ZDHHC20: variants seen among roughly 807,000 people sequenced by gnomAD.
ZDHHC20 encodes zDHHC palmitoyltransferase 20.
Under a neutral mutation model 57.8 loss-of-function variants are expected in ZDHHC20, and 43 were observed. That is an observed-to-expected ratio of 0.74 (90% CI 0.58 to 0.96). ZDHHC20 has a LOEUF of 0.96. Among genes scored for constraint, ZDHHC20 ranks in the 40% least tolerant of loss-of-function variants. The pLI, the probability that ZDHHC20 is intolerant of heterozygous loss-of-function variation, is 0.00. For missense variants in ZDHHC20, 391 were observed against 441.1 expected, an observed-to-expected ratio of 0.89 and a Z score of 1.02; for synonymous variants, 157 against 153.0, an observed-to-expected ratio of 1.03 and a Z score of -0.19.
At chr13:21,410,950 G>T (rs1189889058) in intron 4 of ZDHHC20, among the ~76,000 whole-genome samples, 1 of 152,162 alleles carries the variant, frequency 6.6e-6, no homozygotes, top group African/African-American at 2.4e-5. Flanking sequence ...TGCCCAAATG[G>T]CCACCCACTT....
At chr13:21,428,344 C>T (rs540067657) in intron 1 of ZDHHC20, among the ~76,000 whole-genome samples, 1 of 152,016 alleles carries the variant, frequency 6.6e-6, no homozygotes, top group Admixed American at 6.5e-5. Context: ...CCTCAACCTC[C>T]CGAGTAGCTG....
chr13:21,455,152 C>T (rs1273837680), intron 1 of ZDHHC20, among the ~76,000 whole-genome samples: 1 of 152,118 alleles, frequency 6.6e-6, no homozygotes, highest in African/African-American at 2.4e-5. Context: ...ATCTCCTGAC[C>T]TCGTGATCCG....
At chr13:21,423,351 T>C (rs968425629) in intron 2 of ZDHHC20, among the ~76,000 whole-genome samples, 4 of 152,324 alleles carry the variant, frequency 2.6e-5, no homozygotes, top group Non-Finnish European at 4.4e-5. Flanking sequence ...TCCCTTCAGG[T>C]TGAACCCCAT....
intron 1 of ZDHHC20, among the ~76,000 whole-genome samples, chr13:21,452,135 A>G (rs1419460185): frequency 6.6e-6 from 1 of 152,076 alleles, no homozygotes; most frequent in Non-Finnish European, 1.5e-5. Context: ...TATTCCAGTT[A>G]TATGGGATGT....
chr13:21,395,026 G>A (rs928062957), intron 7 of ZDHHC20, among the ~76,000 whole-genome samples: 1 of 151,710 alleles, frequency 6.6e-6, no homozygotes, highest in Non-Finnish European at 1.5e-5. Flanking sequence ...ATAGTGGAAA[G>A]TAGCTGGATG....
At chr13:21,424,967 A>G (rs1881090113) in intron 2 of ZDHHC20, among the ~76,000 whole-genome samples, 1 of 152,198 alleles carries the variant, frequency 6.6e-6, no homozygotes, top group African/African-American at 2.4e-5. Flanking sequence ...GTCTCCAGTA[A>G]GAGGAATTAC....
chr13:21,418,505 G>A (rs1880265932), intron 3 of ZDHHC20, among the ~76,000 whole-genome samples: 1 of 152,086 alleles, frequency 6.6e-6, no homozygotes, highest in South Asian at 2.1e-4. Flanking sequence ...TTGCTAATTT[G>A]CTCAATTATT....
chr13:21,376,776 C>A, intron 12 of ZDHHC20, 121 bp from the exon 13 acceptor site: 1 of 532,746 alleles, frequency 1.9e-6, no homozygotes, highest in South Asian at 3.1e-5. Context: ...AAAATGAATT[C>A]CTTAACACTA....
In ZDHHC20 at chr13:21,376,572, T is replaced by C. The variant is rs1187930993; in HGVS notation, c.*124A>G. The C allele has an allele frequency of 1.8e-6, 2 of 1,137,928 alleles. No homozygotes were observed. The highest frequency in any genetic ancestry group is 2.9e-5 in the East Asian group (1 of 34,834). The allele number at this position is 1,137,928 out of a possible 1,614,324, so 70.5% of individuals were successfully genotyped here. A position where few individuals can be genotyped will look rare whatever the true frequency, so the allele number is the denominator to read the frequency against. On this transcript the variant is annotated 3_prime_UTR_variant, in exon 13 of 13. Coordinates refer to ENST00000400590, the MANE Select transcript of ZDHHC20 (RefSeq NM_001330059.2). ...TTTCCGTTTTAAAAAATATATCTTC[T>C]GTTATACTTCAGTTATTTCATTCCA... is the stretch of plus-strand genomic sequence containing the variant.
In ZDHHC20 at chr13:21,380,664, C is replaced by T. The variant is rs1476196385; in HGVS notation, c.1060+770G>A. ...AAAATTAGCTGGGCATGGTGGCAAC[C>T]ACCTGTAGTCCCAGCTACTCGGGAG... On this transcript the variant is annotated intron_variant, in intron 11 of 12. Coordinates refer to ENST00000400590, the MANE Select transcript of ZDHHC20 (RefSeq NM_001330059.2). Among the ~76,000 whole-genome samples the T allele has an allele frequency of 7.3e-5, 11 of 151,568 alleles. No individual in the cohort carries two copies. In the East Asian group the frequency reaches 2.1e-3, roughly 28 times the overall value.
At chr13:21,408,514 G>A (rs1339971611) in intron 4 of ZDHHC20, among the ~76,000 whole-genome samples, 1 of 152,122 alleles carries the variant, frequency 6.6e-6, no homozygotes, top group Non-Finnish European at 1.5e-5. Context: ...GGAGTTTTGG[G>A]GCTGGGACGA....
rs1871621398 is a variant in ZDHHC20, at chr13:21,374,068, T to TTGGCGTTAGCCA, written c.*2616_*2627dup. 6.4e-6 allele frequency: 1 copy of TTGGCGTTAGCCA among 155,648 alleles called. No individual in the cohort carries two copies. Among genetic ancestry groups the TTGGCGTTAGCCA allele is most frequent in the Non-Finnish European group, 1.4e-5 (1 of 69,890 alleles). 9.6% of individuals were successfully genotyped at this position (155,648 alleles called of 1,614,324 possible). On this transcript the variant is annotated 3_prime_UTR_variant, in exon 13 of 13. Transcript: ENST00000400590. Reference sequence around the variant, plus strand: ...TAGTGAAGAAAAAAATGAAGTTCCCTTGGCGTTAGCCAGGTGCATGCAAAT... The same window carrying TTGGCGTTAGCCA: ...TAGTGAAGAAAAAAATGAAGTTCCCTTGGCGTTAGCCATGGCGTTAGCCAGGTGCATGCAAAT...
chr13:21,413,431 T>C (rs1264731633), intron 4 of ZDHHC20, among the ~76,000 whole-genome samples: 1 of 152,162 alleles, frequency 6.6e-6, no homozygotes, highest in Non-Finnish European at 1.5e-5. Context: ...AAGAGATTCA[T>C]ATTAAAGCGG....
chr13:21,426,048 T>C (rs1310985367), intron 1 of ZDHHC20, among the ~76,000 whole-genome samples: 1 of 152,238 alleles, frequency 6.6e-6, no homozygotes, highest in Non-Finnish European at 1.5e-5. Flanking sequence ...GATGTACTCT[T>C]ATCAACCTCT....
At chr13:21,435,133 T>C (rs1466209194) in intron 1 of ZDHHC20, among the ~76,000 whole-genome samples, 1 of 152,232 alleles carries the variant, frequency 6.6e-6, no homozygotes, top group Non-Finnish European at 1.5e-5. Context: ...AGGATAATTT[T>C]ACCTCGTATT....
chr13:21,454,599 T>C (rs1884752305), intron 1 of ZDHHC20, among the ~76,000 whole-genome samples: 1 of 151,604 alleles, frequency 6.6e-6, no homozygotes, highest in Non-Finnish European at 1.5e-5. Context: ...AAACCCAAAG[T>C]AAAAGAAAGG....
intron 1 of ZDHHC20, among the ~76,000 whole-genome samples, chr13:21,433,386 G>T (rs185492175): frequency 3.9e-5 from 6 of 152,182 alleles, no homozygotes; most frequent in Admixed American, 2.0e-4. Flanking sequence ...GGGAGGCTGA[G>T]GCGGGCGGAT....
chr13:21,397,612 G>A (rs1473356348), intron 7 of ZDHHC20, among the ~76,000 whole-genome samples: 1 of 152,002 alleles, frequency 6.6e-6, no homozygotes, highest in Non-Finnish European at 1.5e-5. Context: ...AGTGAGCCGT[G>A]ATCGCACCAC....
intron 1 of ZDHHC20, among the ~76,000 whole-genome samples, chr13:21,443,032 G>C (rs1883337232): frequency 6.6e-6 from 1 of 152,142 alleles, no homozygotes; most frequent in South Asian, 2.1e-4. Context: ...TTCTACCAGT[G>C]CCTTCTTCTG....
Sources: gnomAD v4.1 joint callset for allele counts (sites outside exome capture counted in the v4.1 genomes callset) on GRCh38, gnomAD v4.1.1 for gene constraint, MANE v1.5 for transcripts, NCBI Gene and HGNC (gene_info 2026-07-23, HGNC 2026-07-21) for gene names.